GAB2: variants seen among roughly 807,000 people sequenced by gnomAD.
GAB2 encodes the protein GRB2-associated-binding protein 2.
Under a neutral mutation model 65.5 loss-of-function variants are expected in GAB2, and 26 were observed. That is an observed-to-expected ratio of 0.40 (90% CI 0.29 to 0.55). The LOEUF is 0.55. GAB2 is among the 20% of genes least tolerant of loss of function. The pLI is 0.53. For missense variants in GAB2, 884 were observed against 875.8 expected (o/e 1.01, Z -0.12); for synonymous variants, 321 against 329.6 (o/e 0.97, Z 0.28).
At chr11:78,380,523 A>G (rs1856684596) in intron 1 of GAB2, among the ~76,000 whole-genome samples, 1 of 152,216 alleles carries the variant, frequency 6.6e-6, no homozygotes, top group Non-Finnish European at 1.5e-5. Context: ...AATTGGGATG[A>G]CAAAGACTCC....
chr11:78,391,917 A>C (rs1856838254), intron 1 of GAB2, among the ~76,000 whole-genome samples: 1 of 152,206 alleles, frequency 6.6e-6, no homozygotes, highest in Non-Finnish European at 1.5e-5. Context: ...ACAAAGATGG[A>C]AACTGACAGA....
chr11:78,393,305 T>G (rs987835215), intron 1 of GAB2, among the ~76,000 whole-genome samples: 9 of 152,214 alleles, frequency 5.9e-5, no homozygotes, highest in East Asian at 5.8e-4. Context: ...CCAAGTTCCC[T>G]TATTACAATG....
At chr11:78,276,024 G>T (rs1590990193) in intron 2 of GAB2, among the ~76,000 whole-genome samples, 1 of 149,370 alleles carries the variant, frequency 6.7e-6, no homozygotes, top group East Asian at 2.0e-4. Flanking sequence ...TGGGGCAGGA[G>T]AATTGCTTGA....
chr11:78,410,209 T>TA (rs1341729889), intron 1 of GAB2, among the ~76,000 whole-genome samples: 2 of 152,072 alleles, frequency 1.3e-5, no homozygotes, highest in Non-Finnish European at 2.9e-5. Flanking sequence ...AACTACTATA[T>TA]AAAAAAATCA....
rs1014887035 is a variant in GAB2 at position 78,341,934 on chromosome 11, A to G, written c.76-61033T>C. 16 of 967,526 alleles carry G rather than the reference A, an allele frequency of 1.7e-5. No homozygotes were observed. In the African/African-American group the frequency reaches 2.3e-4, roughly 14 times the overall value. 59.9% of individuals were successfully genotyped at this position (967,526 alleles called of 1,614,324 possible). A position where few individuals can be genotyped will look rare whatever the true frequency, so the allele number is the denominator to read the frequency against. On this transcript the variant is annotated intron_variant, in intron 1 of 9. Transcript: ENST00000361507. ...GTGCAATGTTTAAAAATGCCTCAGA[A>G]TCTCCACCAGCCTGTGTGGAAGGGA...
chr11:78,370,712 C>CGTGTGTGT (rs1554995526), intron 1 of GAB2, among the ~76,000 whole-genome samples: 7 of 123,318 alleles, frequency 5.7e-5, no homozygotes, highest in East Asian at 3.2e-4. Context: ...TGTGTGTGTG[C>CGTGTGTGT]GTGTGTGTGT....
chr11:78,256,688 T>C (rs1865605455), intron 2 of GAB2, among the ~76,000 whole-genome samples: 1 of 152,252 alleles, frequency 6.6e-6, no homozygotes, highest in Non-Finnish European at 1.5e-5. Flanking sequence ...CCTGTCTGTC[T>C]CACTGGGTTG....
At chr11:78,232,890 G>T (rs1329993325) in intron 3 of GAB2, among the ~76,000 whole-genome samples, 2 of 152,138 alleles carry the variant, frequency 1.3e-5, no homozygotes, top group African/African-American at 4.8e-5. Flanking sequence ...GATTACTTTG[G>T]AGATCATATG....
At chr11:78,239,311 C>G (rs1248643744) in intron 3 of GAB2, among the ~76,000 whole-genome samples, 1 of 152,136 alleles carries the variant, frequency 6.6e-6, no homozygotes, top group African/African-American at 2.4e-5. Context: ...ACCTCCACCT[C>G]CTGGGTTCAA....
intron 1 of GAB2, among the ~76,000 whole-genome samples, chr11:78,360,731 C>A (rs1856423604): frequency 6.6e-6 from 1 of 151,930 alleles, no homozygotes; most frequent in African/African-American, 2.4e-5. Flanking sequence ...GGTAGCATGT[C>A]CCTGTTAATC....
intron 1 of GAB2, among the ~76,000 whole-genome samples, chr11:78,355,209 T>C (rs746326076): frequency 2.6e-5 from 4 of 152,210 alleles, no homozygotes; most frequent in Non-Finnish European, 5.9e-5. Flanking sequence ...AGGGAAACCA[T>C]ATTTACATCT....
Position 78,226,611 on chromosome 11 carries a change from C to CGGGGGGGG in GAB2, c.1060_1061insCCCCCCCC (p.Arg354ProfsTer76). On this transcript the variant is annotated frameshift_variant, in exon 4 of 10. Transcript: ENST00000361507. LOFTEE classifies it high-confidence loss of function. ...TTCTGCCTGACTTGGCTTGGGGGGG[C>CGGGGGGGG]GGGGTGGGGGAGCTATGGCTGAGTC... is the stretch of plus-strand genomic sequence containing the variant. 1 of 282,926 alleles carries CGGGGGGGG rather than the reference C, an allele frequency of 3.5e-6. No homozygotes were observed. The highest frequency in any genetic ancestry group is 9.6e-5 in the East Asian group (1 of 10,396). The allele number at this position is 282,926 out of a possible 1,614,324, so 17.5% of individuals were successfully genotyped here. A position where few individuals can be genotyped will look rare whatever the true frequency, so the allele number is the denominator to read the frequency against.
At chr11:78,341,848 G>C in intron 1 of GAB2, 1 of 985,144 alleles carries the variant, frequency 1.0e-6, no homozygotes, top group Non-Finnish European at 1.2e-6. Flanking sequence ...TCTCTTCAGG[G>C]ATCTTCTTCA....
At chr11:78,239,153 C>T (rs1865063472) in intron 3 of GAB2, among the ~76,000 whole-genome samples, 1 of 151,700 alleles carries the variant, frequency 6.6e-6, no homozygotes, top group Non-Finnish European at 1.5e-5. Context: ...ACCCCTACTG[C>T]TTGTCCCCCT....
intron 2 of GAB2, among the ~76,000 whole-genome samples, chr11:78,261,055 A>G (rs1431207444): frequency 1.4e-5 from 2 of 146,564 alleles, no homozygotes; most frequent in African/African-American, 5.3e-5. Flanking sequence ...CTGTCTCTAT[A>G]TATGTATGTA....
intron 2 of GAB2, among the ~76,000 whole-genome samples, chr11:78,274,102 C>T (rs1483972408): frequency 6.6e-6 from 1 of 152,154 alleles, no homozygotes; most frequent in Non-Finnish European, 1.5e-5. Context: ...TAGTGAGACC[C>T]TGTCTCTACA....
At chr11:78,227,851 C>G (rs1360426288) in intron 3 of GAB2, among the ~76,000 whole-genome samples, 1 of 152,064 alleles carries the variant, frequency 6.6e-6, no homozygotes, top group Non-Finnish European at 1.5e-5. Context: ...CAAACGTAAG[C>G]TCTAGATTTA....
intron 1 of GAB2, among the ~76,000 whole-genome samples, chr11:78,319,892 G>A (rs1056057921): frequency 6.8e-5 from 10 of 147,500 alleles, no homozygotes; most frequent in African/African-American, 1.5e-4. Context: ...TTTTGAGACC[G>A]AGTCTTGCTC....
intron 1 of GAB2, among the ~76,000 whole-genome samples, chr11:78,394,135 A>C (rs1292259324): frequency 1.3e-5 from 2 of 152,182 alleles, no homozygotes; most frequent in Non-Finnish European, 2.9e-5. Flanking sequence ...AAAAATATAA[A>C]AAATTTGCTG....
Sources: allele counts gnomAD v4.1 joint callset (sites outside exome capture counted in the v4.1 genomes callset), GRCh38; gene constraint gnomAD v4.1.1; transcripts MANE v1.5; gene names NCBI Gene and HGNC (gene_info 2026-07-23, HGNC 2026-07-21).